The following GRM8 variants were observed in gnomAD, a reference collection of about 807,000 sequenced individuals.
GRM8 encodes the protein metabotropic glutamate receptor 8.
Under a neutral mutation model 87.2 loss-of-function variants are expected in GRM8, and 47 were observed. The ratio of observed to expected loss-of-function variants is 0.54; its 90% confidence interval spans 0.43 to 0.69. GRM8 has a LOEUF of 0.69. Ranked by LOEUF, GRM8 falls within the 30% of genes least tolerant of loss-of-function variation. The pLI is 0.00. For synonymous variants in GRM8, 396 were observed against 404.5 expected (o/e 0.98, Z 0.25); for missense variants, 1,019 against 1,139.2 (o/e 0.89, Z 1.52).
chr7:127,123,683 T>G (rs1215018671), intron 2 of GRM8, among the ~76,000 whole-genome samples: 1 of 152,224 alleles, frequency 6.6e-6, no homozygotes. Flanking sequence ...ACAACTTTAT[T>G]ATTCTGCCCA....
chr7:126,494,337 A>T (rs947638927), intron 9 of GRM8, among the ~76,000 whole-genome samples: 2 of 152,004 alleles, frequency 1.3e-5, no homozygotes, highest in African/African-American at 2.4e-5. Context: ...ACAAAACATC[A>T]TTTCAAACAA....
intron 7 of GRM8, among the ~76,000 whole-genome samples, chr7:126,714,730 C>G (rs1468006345): frequency 6.6e-6 from 1 of 152,076 alleles, no homozygotes; most frequent in Non-Finnish European, 1.5e-5. Flanking sequence ...ACTTTTGGCT[C>G]CCCAAAAAGT....
chr7:127,242,750 C>G lies in GRM8; in HGVS notation c.455G>C (p.Gly152Ala). 2 of 1,614,194 alleles carry G rather than the reference C, an allele frequency of 1.2e-6. No individual in the cohort carries two copies. Among genetic ancestry groups the G allele is most frequent in the Middle Eastern group, 3.3e-4 (2 of 6,062 alleles). The change falls in exon 2 of 11, where the codon GGT becomes GCT. Residue 152 changes from glycine (G) to alanine (A), a missense_variant. Physicochemically the swap from Gly to Ala is moderately conservative, Grantham distance 60. Coordinates refer to ENST00000339582, the MANE Select transcript of GRM8 (RefSeq NM_000845.3). ...TKPDKISGVI[G>A]AAASSVSIMV... Reference sequence around the variant, plus strand: ...GATGGACACGGAGCTTGCTGCAGCACCTATGACGCCAGAAATCTTGTCGGG... The same window carrying G: ...GATGGACACGGAGCTTGCTGCAGCAGCTATGACGCCAGAAATCTTGTCGGG...
intron 6 of GRM8, among the ~76,000 whole-genome samples, chr7:126,846,010 A>G (rs1295738516): frequency 6.6e-6 from 1 of 151,760 alleles, no homozygotes; most frequent in Non-Finnish European, 1.5e-5. Flanking sequence ...GAAATAATTA[A>G]CTCCTATATT....
At chr7:126,954,381 C>A (rs1049452936) in intron 3 of GRM8, among the ~76,000 whole-genome samples, 2 of 152,102 alleles carry the variant, frequency 1.3e-5, no homozygotes, top group Non-Finnish European at 2.9e-5. Context: ...TAACTTCTGG[C>A]TCAAAATGGA....
intron 3 of GRM8, among the ~76,000 whole-genome samples, chr7:127,040,387 C>T (rs1818310724): frequency 6.6e-6 from 1 of 152,134 alleles, no homozygotes; most frequent in Non-Finnish European, 1.5e-5. Context: ...AAGGACTTTA[C>T]ACTCAGATGC....
Position 127,075,625 on chromosome 7 carries a change from T to C in GRM8, c.727+30871A>G, listed in dbSNP as rs561214691. ...TTCTTTGGTTTTGAATGGGATAATG[T>C]GGAGGGAGTAGTAGTGGCCTACGAA... On this transcript the variant is annotated intron_variant, in intron 3 of 10. Coordinates refer to ENST00000339582, the MANE Select transcript of GRM8 (RefSeq NM_000845.3). 5.3e-5 allele frequency among the ~76,000 whole-genome samples: 8 copies of C among 152,218 alleles called. No homozygotes were observed. In the South Asian group the frequency reaches 1.7e-3, roughly 32 times the overall value.
At chr7:126,534,792 A>G (rs1353922686) in intron 8 of GRM8, among the ~76,000 whole-genome samples, 2 of 152,224 alleles carry the variant, frequency 1.3e-5, no homozygotes, top group Admixed American at 1.3e-4. Flanking sequence ...ACAAAACTGA[A>G]AATTACAGAT....
chr7:127,163,191 A>G (rs543739448), intron 2 of GRM8, among the ~76,000 whole-genome samples: 11 of 152,222 alleles, frequency 7.2e-5, no homozygotes, highest in Admixed American at 4.6e-4. Context: ...CTGTACAGGG[A>G]GCATAGACCT....
intron 8 of GRM8, among the ~76,000 whole-genome samples, chr7:126,585,652 A>T (rs1186559275): frequency 2.0e-5 from 3 of 152,170 alleles, no homozygotes; most frequent in African/African-American, 4.8e-5. Context: ...AAAAACTCTC[A>T]ATAAATTAGG....
intron 8 of GRM8, among the ~76,000 whole-genome samples, chr7:126,590,801 T>C (rs1456770471): frequency 6.6e-6 from 1 of 152,146 alleles, no homozygotes; most frequent in African/African-American, 2.4e-5. Flanking sequence ...AAAGATACAA[T>C]ATTTTTCAAC....
intron 7 of GRM8, among the ~76,000 whole-genome samples, chr7:126,637,160 A>G (rs558442397): frequency 1.3e-4 from 20 of 152,174 alleles, no homozygotes; most frequent in Non-Finnish European, 2.4e-4. Flanking sequence ...GTGAAAATGC[A>G]TTATCCAGGA....
chr7:126,858,772 C>T (rs988708606), intron 6 of GRM8, among the ~76,000 whole-genome samples: 3 of 152,202 alleles, frequency 2.0e-5, no homozygotes, highest in African/African-American at 7.2e-5. Context: ...CTAACCCCCT[C>T]TGATCAACTC....
intron 3 of GRM8, among the ~76,000 whole-genome samples, chr7:126,926,320 A>G (rs1805115367): frequency 6.6e-6 from 1 of 152,098 alleles, no homozygotes; most frequent in African/African-American, 2.4e-5. Context: ...TTTGATGGAG[A>G]CCTGATAATT....
chr7:126,788,409 C>CAAAAAAAA (rs67131936), intron 6 of GRM8, among the ~76,000 whole-genome samples: 175 of 10,792 alleles, frequency 0.016, 12 homozygotes, highest in African/African-American at 0.045. Context: ...GACTCCATCT[C>CAAAAAAAA]AAAAAAAAAA....
intron 2 of GRM8, among the ~76,000 whole-genome samples, chr7:127,157,421 T>C (rs1413773201): frequency 6.6e-6 from 1 of 152,046 alleles, no homozygotes; most frequent in Non-Finnish European, 1.5e-5. Context: ...CATTCTAAAA[T>C]GAAAAAATTT....
chr7:127,085,314 T>C (rs1823355084), intron 3 of GRM8, among the ~76,000 whole-genome samples: 1 of 152,252 alleles, frequency 6.6e-6, no homozygotes, highest in African/African-American at 2.4e-5. Flanking sequence ...TTATAATCCT[T>C]TGGGTATATA....
chr7:126,730,879 G>T (rs1211367308), intron 7 of GRM8, among the ~76,000 whole-genome samples: 1 of 152,028 alleles, frequency 6.6e-6, no homozygotes, highest in Non-Finnish European at 1.5e-5. Context: ...GATAATAGTT[G>T]GCATTTACTT....
Position 126,463,500 on chromosome 7 carries a change from A to G in GRM8, c.2431-17128T>C, listed in dbSNP as rs73722616. On this transcript the variant is annotated intron_variant, in intron 9 of 10. Transcript: ENST00000339582. Reference sequence around the variant, plus strand: ...GTGCACATTAATACGATGTTCTAACAAAGTGTCTAGTCTATCAAATATAAT... The same window carrying G: ...GTGCACATTAATACGATGTTCTAACGAAGTGTCTAGTCTATCAAATATAAT... Among the ~76,000 whole-genome samples, 1,044 of 151,780 alleles carry G rather than the reference A, an allele frequency of 6.9e-3. 13 individuals are homozygous for G. The highest frequency in any genetic ancestry group is 0.022 in the African/African-American group (900 of 41,502).
Sources: allele counts gnomAD v4.1 joint callset (sites outside exome capture counted in the v4.1 genomes callset), GRCh38; gene constraint gnomAD v4.1.1; transcripts MANE v1.5; gene names NCBI Gene and HGNC (gene_info 2026-07-23, HGNC 2026-07-21).